Variants in MIA2 observed in about 807,000 individuals in gnomAD.
MIA2 encodes the protein melanoma inhibitory activity protein 2.
In MIA2, 127 loss-of-function variants were observed where a neutral mutation model predicts 167.8. The ratio of observed to expected loss-of-function variants is 0.76; its 90% CI spans 0.66 to 0.88. MIA2 has a LOEUF of 0.88. MIA2 is among the 40% of genes least tolerant of loss of function. MIA2 has a pLI of 0.00. For synonymous variants in MIA2, 552 were observed against 541.9 expected (o/e 1.02, Z -0.26); for missense variants, 1,690 against 1,624.7 (o/e 1.04, Z -0.69).
At chr14:39,287,453 G>A (rs537678646) in intron 9 of MIA2, among the ~76,000 whole-genome samples, 1 of 152,098 alleles carries the variant, frequency 6.6e-6, no homozygotes, top group Admixed American at 6.5e-5. Context: ...AAAGGTTTCA[G>A]TTTCTCCCCA....
chr14:39,291,106 C>A lies in MIA2; in HGVS notation c.2208+10C>A. On this transcript the variant is annotated intron_variant, in intron 10 of 28. Transcript: ENST00000640607. ...AGCACAAAGTTTGGAGGTAGAAAAT[C>A]AAATGGTATAATTTTAAAAGCTGGG... 6.3e-7 allele frequency: 1 copy of A among 1,587,410 alleles called. No homozygotes were observed. Among genetic ancestry groups the A allele is most frequent in the South Asian group, 1.2e-5 (1 of 85,340 alleles).
intron 9 of MIA2, among the ~76,000 whole-genome samples, chr14:39,285,626 C>A (rs1404295973): frequency 6.7e-6 from 1 of 148,788 alleles, no homozygotes; most frequent in Non-Finnish European, 1.5e-5. Flanking sequence ...TGCCCCCCAC[C>A]TCCCTCCCGG....
At chr14:39,237,309 G>A in intron 2 of MIA2, 1 of 448,734 alleles carries the variant, frequency 2.2e-6, no homozygotes, top group Non-Finnish European at 4.2e-6. Flanking sequence ...TGTATTCTTG[G>A]TAGAGACAGC....
chr14:39,338,306 G>A (rs1042182074), intron 25 of MIA2, among the ~76,000 whole-genome samples: 1 of 152,146 alleles, frequency 6.6e-6, no homozygotes, highest in African/African-American at 2.4e-5. Flanking sequence ...TGAGTAAAGG[G>A]TGTGCAGGAT....
rs2062132578 is a variant in MIA2 at position 39,300,002 on chromosome 14, GGTTTTA to G, written c.2619+19_2619+24del. 1 of 1,573,136 alleles carries G rather than the reference GGTTTTA, an allele frequency of 6.4e-7. No individual in the cohort carries two copies. Among genetic ancestry groups the G allele is most frequent in the African/African-American group, 1.4e-5 (1 of 71,660 alleles). ...TCACATCAAGGTAAATGGCTCTACT[GGTTTTA>G]GTGATCAAGTTGGCTAGAATTTTAC... On this transcript the variant is annotated intron_variant, in intron 14 of 28. Coordinates refer to ENST00000640607, the MANE Select transcript of MIA2 (RefSeq NM_001329214.4).
At chr14:39,288,471 A>ATTT (rs1428823924) in intron 9 of MIA2, among the ~76,000 whole-genome samples, 4 of 51,654 alleles carry the variant, frequency 7.7e-5, no homozygotes, top group African/African-American at 1.1e-4. Flanking sequence ...ATATATATAT[A>ATTT]TATATTTTTT....
At position 39,302,136 on chromosome 14, in the gene MIA2, C is replaced by T; in HGVS notation, c.2627C>T (p.Thr876Ile). ...NDKESHIKTL[T>I]ERLLKMKDWA... ...CCTTTGTTCAATGTCAAGACTCTGA[C>T]TGAACGCTTGTTAAAGATGAAAGAT... is the stretch of plus-strand genomic sequence containing the variant. Residue 876 changes from threonine to isoleucine, a missense_variant, in exon 15 of 29, where the codon ACT (threonine) becomes ATT (isoleucine). By Grantham distance (89) the Thr-to-Ile change is moderately conservative. Coordinates refer to ENST00000640607, the MANE Select transcript of MIA2 (RefSeq NM_001329214.4). The T allele has an allele frequency of 6.2e-7, 1 of 1,613,382 alleles. No individual in the cohort carries two copies. Among genetic ancestry groups the T allele is most frequent in the Non-Finnish European group, 8.5e-7 (1 of 1,179,520 alleles).
chr14:39,312,936 A>G (rs2064605274), intron 18 of MIA2, among the ~76,000 whole-genome samples: 1 of 151,992 alleles, frequency 6.6e-6, no homozygotes, highest in African/African-American at 2.4e-5. Flanking sequence ...TGGAAGCCTA[A>G]TCACTAACCA....
chr14:39,385,646 G>T, intron 23 of MIA2: 1 of 871,848 alleles, frequency 1.1e-6, no homozygotes, highest in Non-Finnish European at 2.0e-6. Flanking sequence ...CTGGATGTTA[G>T]TTCTAAAAGC....
intron 13 of MIA2, among the ~76,000 whole-genome samples, chr14:39,296,090 T>TA (rs2061383253): frequency 6.6e-6 from 1 of 152,156 alleles, no homozygotes; most frequent in Non-Finnish European, 1.5e-5. Context: ...TGTAGGTGTG[T>TA]GTTCTGTTCT....
intron 23 of MIA2, among the ~76,000 whole-genome samples, chr14:39,363,620 T>C (rs1157925725): frequency 6.6e-6 from 1 of 152,262 alleles, no homozygotes; most frequent in Non-Finnish European, 1.5e-5. Flanking sequence ...AGTCCGTAAC[T>C]ATTACTGCAT....
intron 23 of MIA2, among the ~76,000 whole-genome samples, chr14:39,377,396 T>TAAGAA (rs1461135331): frequency 6.6e-6 from 1 of 152,102 alleles, no homozygotes; most frequent in East Asian, 1.9e-4. Flanking sequence ...CACAGGGCTT[T>TAAGAA]AAGAAAAGCA....
chr14:39,313,194 T>A (rs2064664081), intron 18 of MIA2, 146 bp from the exon 19 acceptor site: 7 of 424,462 alleles, frequency 1.6e-5, no homozygotes, highest in Non-Finnish European at 2.6e-5. Context: ...TTTACACAGA[T>A]ACTTTTTTTT....
intron 25 of MIA2, among the ~76,000 whole-genome samples, chr14:39,343,607 T>G (rs921529268): frequency 2.6e-4 from 39 of 152,116 alleles, no homozygotes; most frequent in African/African-American, 9.2e-4. Context: ...TTTTCTTATC[T>G]TTTTTTCTTC....
At chr14:39,265,300 GA>G in intron 6 of MIA2, 2 of 954,842 alleles carry the variant, frequency 2.1e-6, no homozygotes, top group Admixed American at 1.9e-5. Flanking sequence ...AAGAGTGCAG[GA>G]TATATTAGAA....
In MIA2 at chr14:39,364,451, G is replaced by GT. The variant is rs539004356; in HGVS notation, c.2248+15483dup. ...GGTTTGTTGGTTTTTTTTTTGTTTT[G>GT]TTTTTTTTTGTAGTGGTAACATTTG... On this transcript the variant is annotated intron_variant, in intron 23 of 23. Transcript: ENST00000341502. Among the ~76,000 whole-genome samples the GT allele has an allele frequency of 7.1e-3, 1,028 of 145,800 alleles. 9 individuals are homozygous for GT. The highest frequency in any genetic ancestry group is 0.034 in the South Asian group (155 of 4,564).
rs189960119 is a variant in MIA2 at position 39,255,512 on chromosome 14, A to G, written c.1887+2341A>G. 2.2e-3 allele frequency among the ~76,000 whole-genome samples: 336 copies of G among 152,334 alleles called. 2 individuals are homozygous for G. Among genetic ancestry groups the G allele is most frequent in the Non-Finnish European group, 2.5e-3 (173 of 68,026 alleles). ...CATAGAGTAAGACTCTGTCTCAAAC[A>G]AACAAACAAAACAAAAACAGAAAAA... On this transcript the variant is annotated intron_variant, in intron 6 of 28. Coordinates refer to ENST00000640607, the MANE Select transcript of MIA2 (RefSeq NM_001329214.4).
chr14:39,241,298 A>G (rs1228804929), intron 3 of MIA2, among the ~76,000 whole-genome samples: 1 of 152,298 alleles, frequency 6.6e-6, no homozygotes, highest in South Asian at 2.1e-4. Flanking sequence ...TTTACCTTAA[A>G]TAAGGTCAGC....
intron 26 of MIA2, 136 bp downstream of exon 26, chr14:39,346,162 G>T: frequency 1.4e-6 from 1 of 722,188 alleles, no homozygotes; most frequent in South Asian, 1.9e-5. Flanking sequence ...AAAATGTCCT[G>T]GTTTTATGTT....
Sources: gnomAD v4.1 joint callset for allele counts (sites outside exome capture counted in the v4.1 genomes callset) on GRCh38, gnomAD v4.1.1 for gene constraint, MANE v1.5 for transcripts, NCBI Gene and HGNC (gene_info 2026-07-23, HGNC 2026-07-21) for gene names.